The following CORO1C variants were observed in gnomAD, a reference collection of about 807,000 sequenced individuals.
CORO1C encodes coronin-1C.
In CORO1C, 14 loss-of-function variants were observed where a neutral mutation model predicts 51.2. The observed-to-expected ratio is 0.27, with a 90% CI of 0.18 to 0.43. CORO1C has a LOEUF of 0.43. Among genes scored for constraint, CORO1C ranks in the 20% least tolerant of loss-of-function variants. The pLI is 1.00. For synonymous variants in CORO1C, 181 were observed against 210.5 expected (o/e 0.86, Z 1.21); for missense variants, 417 against 607.8 (o/e 0.69, Z 3.30).
At chr12:108,668,395 G>A (rs1300131038) in intron 3 of CORO1C, 2 of 152,226 alleles carry the variant, frequency 1.3e-5, no homozygotes, top group Non-Finnish European at 2.9e-5. Context: ...GAATGCCTGA[G>A]AGGAACCAAA....
At chr12:108,661,911 T>TC (rs1443356035) in intron 4 of CORO1C, 118 bp downstream of exon 4, 1 of 1,133,800 alleles carries the variant, frequency 8.8e-7, no homozygotes, top group African/African-American at 1.5e-5. Flanking sequence ...TTCACCATGG[T>TC]TTCCTAATAA....
At chr12:108,706,341 A>G (rs1335607141) in intron 1 of CORO1C, among the ~76,000 whole-genome samples, 1 of 152,184 alleles carries the variant, frequency 6.6e-6, no homozygotes, top group Non-Finnish European at 1.5e-5. Context: ...TTCAATGGCG[A>G]AAGATGCCTT....
In CORO1C at chr12:108,658,787, T is replaced by C; in HGVS notation, c.581A>G (p.Lys194Arg). 6.2e-7 allele frequency: 1 copy of C among 1,613,414 alleles called. No individual in the cohort carries two copies. The highest frequency in any genetic ancestry group is 8.5e-7 in the Non-Finnish European group (1 of 1,179,338). Residue 194 changes from lysine to arginine, a missense_variant, in exon 5 of 11, where the codon AAA (lysine) becomes AGA (arginine). By Grantham distance (26) the Lys-to-Arg change is conservative. Transcript: ENST00000261401. The surrounding 1 kb of genome is among the most constrained non-coding windows in gnomAD (Gnocchi z 4.9). ...ATCAATGACTCTCACTTTCTTGTCT[T>C]TGGAAGCTGTGCAGATCAGACTGCC... ...RNGSLICTAS[K>R]DKKVRVIDPR...
In CORO1C at chr12:108,653,250, C is replaced by T. The variant is rs549786407; in HGVS notation, c.856-833G>A. On this transcript the variant is annotated intron_variant, in intron 7 of 10. Coordinates refer to ENST00000261401, the MANE Select transcript of CORO1C (RefSeq NM_014325.4). ...GCATGCCCAAAAGAATTTTCCATCT[C>T]ATGTTACTAATATCTGAGTAACTGC... is the stretch of plus-strand genomic sequence containing the variant. 1.1e-4 allele frequency among the ~76,000 whole-genome samples: 17 copies of T among 152,344 alleles called. No homozygotes were observed. In the South Asian group the frequency reaches 3.3e-3, roughly 30 times the overall value.
At chr12:108,720,086 T>C (rs2035440281) in intron 1 of CORO1C, among the ~76,000 whole-genome samples, 2 of 152,114 alleles carry the variant, frequency 1.3e-5, no homozygotes, top group African/African-American at 4.8e-5. Context: ...CTCGAGAGGC[T>C]GAGGTGGGAG....
intron 2 of CORO1C, among the ~76,000 whole-genome samples, chr12:108,698,702 C>T (rs538914205): frequency 6.6e-6 from 1 of 152,304 alleles, no homozygotes; most frequent in South Asian, 2.1e-4. Flanking sequence ...CCACTGTGCC[C>T]GGCCAGAAAA....
intron 1 of CORO1C, among the ~76,000 whole-genome samples, chr12:108,715,076 T>A (rs1043121167): frequency 6.6e-6 from 1 of 151,604 alleles, no homozygotes; most frequent in African/African-American, 2.4e-5. Context: ...AAGATAAAAT[T>A]CCTAAAACTG....
intron 1 of CORO1C, among the ~76,000 whole-genome samples, chr12:108,708,617 A>G (rs746451253): frequency 3.3e-5 from 5 of 151,980 alleles, no homozygotes; most frequent in Non-Finnish European, 7.4e-5. Flanking sequence ...GCCTGCCACC[A>G]CGCCCAGCTA....
intron 3 of CORO1C, among the ~76,000 whole-genome samples, chr12:108,676,405 T>TG (rs2033911136): frequency 6.6e-6 from 1 of 152,188 alleles, no homozygotes; most frequent in South Asian, 2.1e-4. Flanking sequence ...TGACCAGTAA[T>TG]GCTAGAGACA....
At chr12:108,692,837 G>A (rs1467053347) in intron 2 of CORO1C, among the ~76,000 whole-genome samples, 3 of 120,974 alleles carry the variant, frequency 2.5e-5, no homozygotes, top group Middle Eastern at 6.8e-3. Flanking sequence ...TTGCTCTGTC[G>A]CCCAGGCTGG....
intron 1 of CORO1C, among the ~76,000 whole-genome samples, chr12:108,719,857 C>T (rs2035433595): frequency 6.6e-6 from 1 of 152,138 alleles, no homozygotes; most frequent in South Asian, 2.1e-4. Flanking sequence ...AGCATGCTTC[C>T]ATTGGGATGT....
At chr12:108,703,240 T>C (rs370181031) in intron 1 of CORO1C, among the ~76,000 whole-genome samples, 61 of 152,272 alleles carry the variant, frequency 4.0e-4, no homozygotes, top group African/African-American at 1.4e-3. Context: ...GAAAAAAGGA[T>C]TGCACCATGT....
chr12:108,718,801 A>G (rs2035404514), intron 1 of CORO1C, among the ~76,000 whole-genome samples: 1 of 152,230 alleles, frequency 6.6e-6, no homozygotes, highest in Admixed American at 6.5e-5. Context: ...CAGTATCTAT[A>G]ATAGAGTACA....
intron 1 of CORO1C, 38 bp from the exon 2 acceptor site, chr12:108,701,361 A>C: frequency 6.2e-7 from 1 of 1,612,472 alleles, no homozygotes; most frequent in South Asian, 1.1e-5. Context: ...AGAATTATGC[A>C]CCAAACTGAA....
chr12:108,664,727 C>T (rs979910534), intron 3 of CORO1C, among the ~76,000 whole-genome samples: 2 of 152,296 alleles, frequency 1.3e-5, no homozygotes, highest in East Asian at 1.9e-4. Context: ...TGCATGTTAG[C>T]TTTCATCCTG....
At chr12:108,715,876 G>T (rs1003857926) in intron 1 of CORO1C, among the ~76,000 whole-genome samples, 25 of 151,942 alleles carry the variant, frequency 1.6e-4, no homozygotes, top group African/African-American at 6.0e-4. Flanking sequence ...GCTCACACCT[G>T]TAATCCCAGC....
chr12:108,678,275 G>T lies in CORO1C; in HGVS notation c.315C>A (p.Val105=). ...VIASGSEDCT[V]MVWQIPENGL... Reference sequence around the variant, plus strand: ...ACACAACACCCTGGGAGCTTACCATGACCGTGCAGTCCTCTGAACCGCTGG... The same window carrying T: ...ACACAACACCCTGGGAGCTTACCATTACCGTGCAGTCCTCTGAACCGCTGG... Residue 105 remains valine, a synonymous_variant, in exon 3 of 11, where the codon GTC becomes GTA. Coordinates refer to ENST00000261401, the MANE Select transcript of CORO1C (RefSeq NM_014325.4). The T allele has an allele frequency of 6.2e-7, 1 of 1,610,758 alleles. No homozygotes were observed. The highest frequency in any genetic ancestry group is 1.1e-5 in the South Asian group (1 of 90,592).
intron 3 of CORO1C, among the ~76,000 whole-genome samples, chr12:108,664,330 G>C (rs11835024): frequency 6.6e-6 from 1 of 152,200 alleles, no homozygotes; most frequent in African/African-American, 2.4e-5. Context: ...CAATTGCTTA[G>C]TGGAAGGCAG....
intron 3 of CORO1C, among the ~76,000 whole-genome samples, chr12:108,662,713 T>C (rs2033322184): frequency 6.6e-6 from 1 of 152,182 alleles, no homozygotes; most frequent in Non-Finnish European, 1.5e-5. Flanking sequence ...CTTGATGGGA[T>C]GACATAGTTT....
Sources: gnomAD v4.1 joint callset for allele counts (sites outside exome capture counted in the v4.1 genomes callset) on GRCh38, gnomAD v4.1.1 for gene constraint, Gnocchi (gnomAD v3.1) non-coding constraint, MANE v1.5 for transcripts, NCBI Gene and HGNC (gene_info 2026-07-23, HGNC 2026-07-21) for gene names.